SLC37A3: variants seen among roughly 807,000 people sequenced by gnomAD.
SLC37A3 encodes sugar phosphate exchanger 3.
Under a neutral mutation model 67.1 loss-of-function variants are expected in SLC37A3, and 51 were observed. That is an observed-to-expected ratio of 0.76 (90% confidence interval 0.61 to 0.96). The LOEUF is 0.96. SLC37A3 is among the 40% of genes least tolerant of loss of function. The pLI is 0.00. For synonymous variants in SLC37A3, 214 were observed against 231.4 expected (o/e 0.92, Z 0.68); for missense variants, 508 against 603.0 (o/e 0.84, Z 1.65).
At chr7:140,390,826 T>A (rs1798699681) in intron 1 of SLC37A3, among the ~76,000 whole-genome samples, 1 of 152,158 alleles carries the variant, frequency 6.6e-6, no homozygotes, top group African/African-American at 2.4e-5. Flanking sequence ...TCAACAGTCA[T>A]CTGACCTCAA....
At chr7:140,397,135 G>A (rs1798966119) in intron 1 of SLC37A3, among the ~76,000 whole-genome samples, 1 of 147,178 alleles carries the variant, frequency 6.8e-6, no homozygotes, top group Non-Finnish European at 1.5e-5. Flanking sequence ...GGGAGGCGGA[G>A]GTTGCAGTGA....
intron 5 of SLC37A3, 111 bp downstream of exon 5, chr7:140,364,297 A>C: frequency 5.1e-6 from 5 of 972,812 alleles, no homozygotes; most frequent in Non-Finnish European, 7.4e-6. Context: ...CAAATGAGGG[A>C]TTCGAACAAT....
intron 6 of SLC37A3, among the ~76,000 whole-genome samples, 171 bp from the exon 7 acceptor site, chr7:140,355,935 C>T (rs1430605620): frequency 1.3e-5 from 2 of 152,194 alleles, no homozygotes; most frequent in Non-Finnish European, 2.9e-5. Flanking sequence ...TGGCTCACAC[C>T]TGTAATCCCA....
At chr7:140,341,881 G>A (rs1049397535) in intron 13 of SLC37A3, among the ~76,000 whole-genome samples, 15 of 152,200 alleles carry the variant, frequency 9.9e-5, no homozygotes, top group African/African-American at 3.4e-4. Context: ...AGGTGAAGAC[G>A]TCTGAACTGA....
At chr7:140,369,524 T>C in intron 4 of SLC37A3, 66 bp downstream of exon 4, 1 of 1,336,812 alleles carries the variant, frequency 7.5e-7, no homozygotes. Context: ...ACAAATTTTG[T>C]AAGGCTCAGG....
intron 4 of SLC37A3, among the ~76,000 whole-genome samples, chr7:140,367,179 G>A (rs558709667): frequency 1.3e-5 from 2 of 151,298 alleles, no homozygotes; most frequent in Non-Finnish European, 2.9e-5. Context: ...GCTAACGCCT[G>A]TAATCCCAGC....
chr7:140,364,526 T>A, intron 4 of SLC37A3, 35 bp from the exon 5 acceptor site: 1 of 1,589,068 alleles, frequency 6.3e-7, no homozygotes, highest in Non-Finnish European at 8.6e-7. Context: ...CAGCTCTAAA[T>A]AATAACACAG....
chr7:140,351,670 G>A, intron 8 of SLC37A3: 1 of 575,730 alleles, frequency 1.7e-6, no homozygotes, highest in Middle Eastern at 3.9e-4. Context: ...TGCTTCTGTG[G>A]TTTCATTTGT....
chr7:140,349,653 G>C (rs1337592702), intron 9 of SLC37A3, among the ~76,000 whole-genome samples: 1 of 152,122 alleles, frequency 6.6e-6, no homozygotes, highest in Non-Finnish European at 1.5e-5. Flanking sequence ...TCCCTGGCAG[G>C]CAACAGCCAC....
chr7:140,348,183 T>G (rs1796643399), intron 10 of SLC37A3, among the ~76,000 whole-genome samples: 1 of 152,164 alleles, frequency 6.6e-6, no homozygotes, highest in African/African-American at 2.4e-5. Flanking sequence ...TATTCTTCCT[T>G]ATTAGGCTGG....
chr7:140,370,589 A>AG (rs35296315), intron 3 of SLC37A3: 110,284 of 151,696 alleles, frequency 0.73, 40,211 homozygotes, highest in East Asian at 0.89. Flanking sequence ...AATTTCCTCC[A>AG]GTCAGTGGTT....
chr7:140,347,944 A>G (rs1407694429), intron 10 of SLC37A3, among the ~76,000 whole-genome samples: 1 of 152,220 alleles, frequency 6.6e-6, no homozygotes, highest in Non-Finnish European at 1.5e-5. Context: ...AACCACAGAC[A>G]GTACCAAACT....
chr7:140,349,492 A>G (rs28670038), intron 9 of SLC37A3, among the ~76,000 whole-genome samples: 28,702 of 148,538 alleles, frequency 0.19, 3,315 homozygotes, highest in East Asian at 0.47. Context: ...TCCTATATTC[A>G]ACACATTACT....
intron 6 of SLC37A3, among the ~76,000 whole-genome samples, chr7:140,356,179 G>C (rs1797019477): frequency 6.9e-6 from 1 of 145,592 alleles, no homozygotes; most frequent in African/African-American, 2.5e-5. Flanking sequence ...TGACAACAAA[G>C]CGAGACTCCA....
intron 7 of SLC37A3, among the ~76,000 whole-genome samples, chr7:140,352,406 T>C (rs1796852247): frequency 1.3e-5 from 2 of 152,210 alleles, no homozygotes; most frequent in Admixed American, 6.5e-5. Flanking sequence ...AGTGGTACTG[T>C]TATGATTGTG....
intron 2 of SLC37A3, 71 bp from the exon 3 acceptor site, chr7:140,380,461 G>T: frequency 1.9e-6 from 2 of 1,069,178 alleles, no homozygotes; most frequent in Non-Finnish European, 1.4e-6. Flanking sequence ...CACAGGTATA[G>T]GCCCATTTCT....
chr7:140,389,383 C>G (rs1798636911), intron 1 of SLC37A3, among the ~76,000 whole-genome samples: 1 of 152,106 alleles, frequency 6.6e-6, no homozygotes, highest in African/African-American at 2.4e-5. Context: ...CTCTGCCATC[C>G]CACCAGGGAA....
chr7:140,340,955 A>C (rs910506976), intron 13 of SLC37A3, among the ~76,000 whole-genome samples: 1 of 148,728 alleles, frequency 6.7e-6, no homozygotes, highest in East Asian at 2.0e-4. Flanking sequence ...AGAGAGAGAG[A>C]GCCAGGGTCT....
chr7:140,340,532 T>C (rs1489492058), intron 13 of SLC37A3, among the ~76,000 whole-genome samples: 4 of 152,078 alleles, frequency 2.6e-5, no homozygotes, highest in African/African-American at 9.7e-5. Flanking sequence ...GTGATTTATA[T>C]TAGATCACAT....
Sources: allele counts gnomAD v4.1 joint callset (sites outside exome capture counted in the v4.1 genomes callset), GRCh38; gene constraint gnomAD v4.1.1; transcripts MANE v1.5; gene names NCBI Gene and HGNC (gene_info 2026-07-23, HGNC 2026-07-21).